The following NUP153 variants were observed in gnomAD, a reference collection of about 807,000 sequenced individuals.
NUP153 encodes the protein nuclear pore complex protein Nup153.
NUP153 carries 27 observed loss-of-function variants against 134.6 expected under a neutral mutation model. The observed-to-expected ratio is 0.20, with a 90% CI of 0.15 to 0.28. NUP153 has a LOEUF of 0.28. Ranked by LOEUF, NUP153 falls within the 10% of genes least tolerant of loss-of-function variation. The probability of loss-of-function intolerance (pLI) is 1.00; values close to 1 mark genes in which losing one functional copy is unlikely to be tolerated. For missense variants in NUP153, 1,821 were observed against 1,731.3 expected (o/e 1.05, Z -0.92); for synonymous variants, 640 against 623.5 (o/e 1.03, Z -0.40).
rs146439339 is a variant in NUP153 at position 17,616,060 on chromosome 6, G to C, written c.*37C>G. On this transcript the variant is annotated 3_prime_UTR_variant, in exon 22 of 22. Coordinates refer to ENST00000262077, the MANE Select transcript of NUP153 (RefSeq NM_005124.4). ...TCCAGTATCTGAAAGCAGGGCACCA[G>C]CTGTTGTTAAAATTGAGTACAACAC... The C allele has an allele frequency of 8.6e-5, 121 of 1,404,002 alleles. 1 individual carries two copies. In the East Asian group the frequency reaches 2.7e-3, roughly 31 times the overall value. The allele number at this position is 1,404,002 out of a possible 1,614,324, so 87.0% of individuals were successfully genotyped here. A position where few individuals can be genotyped will look rare whatever the true frequency, so the allele number is the denominator to read the frequency against.
At chr6:17,635,471 A>G (rs966207951) in intron 16 of NUP153, among the ~76,000 whole-genome samples, 3 of 152,026 alleles carry the variant, frequency 2.0e-5, no homozygotes, top group Admixed American at 6.6e-5. Context: ...GCATGATCTC[A>G]GGTAACTGCA....
At chr6:17,687,382 C>T (rs1479554306) in intron 2 of NUP153, among the ~76,000 whole-genome samples, 3 of 152,056 alleles carry the variant, frequency 2.0e-5, no homozygotes, top group Non-Finnish European at 4.4e-5. Flanking sequence ...CAGAGGCAGT[C>T]AGCTTAGAGA....
intron 16 of NUP153, 41 bp from the exon 17 acceptor site, chr6:17,632,885 A>C: frequency 2.0e-6 from 3 of 1,466,318 alleles, no homozygotes; most frequent in Non-Finnish European, 2.7e-6. Flanking sequence ...GGGAGATTTC[A>C]TGAAAATTTT....
chr6:17,640,656 A>G (rs1370203196), intron 14 of NUP153, among the ~76,000 whole-genome samples: 1 of 152,236 alleles, frequency 6.6e-6, no homozygotes, highest in Non-Finnish European at 1.5e-5. Flanking sequence ...TCTTGTTGTC[A>G]GCAAGGCCGG....
chr6:17,692,499 G>A (rs773469934), intron 1 of NUP153, among the ~76,000 whole-genome samples: 1 of 152,112 alleles, frequency 6.6e-6, no homozygotes, highest in Non-Finnish European at 1.5e-5. Context: ...GGGTGACAGA[G>A]ACCCTGTTTC....
rs199577613 is a variant in NUP153 at position 17,661,691 on chromosome 6, T to C, written c.1357A>G (p.Arg453Gly). The C allele has an allele frequency of 9.0e-5, 145 of 1,613,872 alleles. No homozygotes were observed. Among genetic ancestry groups the C allele is most frequent in the Non-Finnish European group, 2.0e-5 (24 of 1,179,922 alleles). The stretch of plus-strand genomic sequence containing the variant: ...GGTTTAGAAGCAACAAAGCGTGTTC[T>C]TTCTCGTCTCATCTTGCCACCTCCA... ...GGGGGKMRRE[R>G]TRFVASKPLE... Residue 453 changes from arginine to glycine, a missense_variant, in exon 11 of 22, where the codon AGA (arginine) becomes GGA (glycine). Transcript: ENST00000262077.
At position 17,628,702 on chromosome 6, in the gene NUP153, G is replaced by T. The variant is rs1168520043; in HGVS notation, c.3497C>A (p.Pro1166Gln). 2 of 1,612,216 alleles carry T rather than the reference G, an allele frequency of 1.2e-6. No homozygotes were observed. Among genetic ancestry groups the T allele is most frequent in the African/African-American group, 1.3e-5 (1 of 74,986 alleles). The part of the protein sequence containing the change: ...TKPSEKESEQ[P>Q]AKATFAFGAQ... Reference sequence around the variant, plus strand: ...TCCAAAGGCAAAAGTGGCTTTTGCTGGCTGTTCAGATTCCTTCTCAGATGG... The same window carrying T: ...TCCAAAGGCAAAAGTGGCTTTTGCTTGCTGTTCAGATTCCTTCTCAGATGG... Residue 1166 changes from proline to glutamine, a missense_variant, in exon 18 of 22, where the codon CCA (proline) becomes CAA (glutamine). Coordinates refer to ENST00000262077, the MANE Select transcript of NUP153 (RefSeq NM_005124.4). This position sits in a 1 kb window ranked among gnomAD's most constrained non-coding sequence, Gnocchi z 5.4.
chr6:17,685,241 ATGTG>A (rs202171648), intron 2 of NUP153, among the ~76,000 whole-genome samples: 9,492 of 152,320 alleles, frequency 0.062, 392 homozygotes, highest in Non-Finnish European at 0.084. Flanking sequence ...ATATATAGTC[ATGTG>A]CCACATAAGA....
Position 17,641,343 on chromosome 6 carries a change from C to T in NUP153, c.1721-1279G>A, listed in dbSNP as rs570427845. Among the ~76,000 whole-genome samples, 14 of 150,368 alleles carry T rather than the reference C, an allele frequency of 9.3e-5. No homozygotes were observed. The East Asian group carries it at 1.4e-3, about 15-fold the overall frequency. ...CGAGGTCAAGAGATGGAGACCATCC[C>T]GGCCAACATAGTGAAACCCCATCTC... is the stretch of plus-strand genomic sequence containing the variant. On this transcript the variant is annotated intron_variant, in intron 14 of 21. Coordinates refer to ENST00000262077, the MANE Select transcript of NUP153 (RefSeq NM_005124.4).
chr6:17,702,003 G>A (rs547349977), intron 1 of NUP153, among the ~76,000 whole-genome samples: 1 of 146,872 alleles, frequency 6.8e-6, no homozygotes, highest in East Asian at 2.5e-4. Context: ...GCAAAAATAA[G>A]TGGTTTCCTC....
At chr6:17,645,545 C>T (rs1260607173) in intron 14 of NUP153, among the ~76,000 whole-genome samples, 1 of 151,456 alleles carries the variant, frequency 6.6e-6, no homozygotes, top group Non-Finnish European at 1.5e-5. Flanking sequence ...TCAAGCAATC[C>T]TCCCACCACA....
At chr6:17,646,739 T>A (rs1452048820) in intron 13 of NUP153, among the ~76,000 whole-genome samples, 1 of 151,338 alleles carries the variant, frequency 6.6e-6, no homozygotes, top group East Asian at 1.9e-4. Context: ...CCATTTTCTT[T>A]CCTTTTTTTT....
chr6:17,616,240 C>T, intron 21 of NUP153, 59 bp from the exon 22 acceptor site: 2 of 801,594 alleles, frequency 2.5e-6, no homozygotes, highest in Non-Finnish European at 3.7e-6. Context: ...TTTCCAAATG[C>T]TAACATTTAC....
chr6:17,672,559 G>C (rs1240217091), intron 5 of NUP153, among the ~76,000 whole-genome samples: 2 of 152,182 alleles, frequency 1.3e-5, no homozygotes, highest in Non-Finnish European at 2.9e-5. Context: ...CTGTGTGACA[G>C]AGCAAGGCCC....
At chr6:17,653,187 A>T (rs938451930) in intron 11 of NUP153, among the ~76,000 whole-genome samples, 2 of 152,174 alleles carry the variant, frequency 1.3e-5, no homozygotes, top group African/African-American at 4.8e-5. Context: ...TGGGAGGTGG[A>T]GGCTGCAGTG....
chr6:17,663,258 C>T (rs6938643), intron 9 of NUP153, among the ~76,000 whole-genome samples: 38,152 of 129,026 alleles, frequency 0.3, 5,728 homozygotes, highest in Middle Eastern at 0.48. Flanking sequence ...CACACACACA[C>T]ACATATATAT....
rs1164986264 is a variant in NUP153 at position 17,628,953 on chromosome 6, G to A, written c.3246C>T (p.Phe1082=). 1.9e-6 allele frequency: 3 copies of A among 1,614,134 alleles called. No individual in the cohort carries two copies. The highest frequency in any genetic ancestry group is 2.5e-6 in the Non-Finnish European group (3 of 1,180,012). Residue 1082 remains phenylalanine, a synonymous_variant, in exon 18 of 22, where the codon TTC becomes TTT. Coordinates refer to ENST00000262077, the MANE Select transcript of NUP153 (RefSeq NM_005124.4). This position sits in a 1 kb window ranked among gnomAD's most constrained non-coding sequence, Gnocchi z 5.4. ...AGGCAGGCTCCACGTTGCCAAAAGA[G>A]AATCCTCCTTTGGTGGCAGGCATTT... ...KEEMPATKGG[F]SFGNVEPASL...
At chr6:17,688,849 A>G (rs1219904447) in intron 1 of NUP153, among the ~76,000 whole-genome samples, 1 of 152,158 alleles carries the variant, frequency 6.6e-6, no homozygotes, top group African/African-American at 2.4e-5. Context: ...AAATGGCTGC[A>G]TTATTCTAAT....
At chr6:17,698,121 G>A (rs1299504512) in intron 1 of NUP153, among the ~76,000 whole-genome samples, 2 of 152,124 alleles carry the variant, frequency 1.3e-5, no homozygotes, top group Non-Finnish European at 2.9e-5. Flanking sequence ...TCAGTTTTAA[G>A]GTTCTGGAAT....
Sources: allele counts gnomAD v4.1 joint callset (sites outside exome capture counted in the v4.1 genomes callset), GRCh38; gene constraint gnomAD v4.1.1; non-coding constraint Gnocchi (gnomAD v3.1); transcripts MANE v1.5; gene names NCBI Gene and HGNC (gene_info 2026-07-23, HGNC 2026-07-21).